Variants in NRXN1 observed in about 807,000 individuals in gnomAD.
NRXN1 encodes the protein neurexin-1.
NRXN1 carries 39 observed loss-of-function variants against 150.9 expected under a neutral mutation model. That is an observed-to-expected ratio of 0.26 (90% confidence interval 0.20 to 0.34). The LOEUF is 0.34. Among genes scored for constraint, NRXN1 ranks in the 10% least tolerant of loss-of-function variants. NRXN1 has a pLI of 1.00. For missense variants in NRXN1, 1,815 were observed against 1,949.9 expected (o/e 0.93, Z 1.30); for synonymous variants, 924 against 757.0 (o/e 1.22, Z -3.62).
At chr2:50,807,058 A>G (rs1485763461) in intron 5 of NRXN1, among the ~76,000 whole-genome samples, 2 of 152,202 alleles carry the variant, frequency 1.3e-5, no homozygotes, top group Non-Finnish European at 2.9e-5. Flanking sequence ...TGAAATATAT[A>G]TAAACTACAG....
rs761721372 is a variant in NRXN1, at chr2:50,346,866, C to CCCTGCG, written c.3365-109902_3365-109897dup. The CCCTGCG allele has an allele frequency of 5.7e-6, 8 of 1,391,678 alleles. No individual in the cohort carries two copies. Among genetic ancestry groups the CCCTGCG allele is most frequent in the African/African-American group, 4.4e-5 (3 of 67,446 alleles). The allele number at this position is 1,391,678 out of a possible 1,614,324, so 86.2% of individuals were successfully genotyped here. A position where few individuals can be genotyped will look rare whatever the true frequency, so the allele number is the denominator to read the frequency against. On this transcript the variant is annotated intron_variant, in intron 17 of 22. Coordinates refer to ENST00000401669, the MANE Select transcript of NRXN1 (RefSeq NM_001330078.2). The surrounding 1 kb of genome is among the most constrained non-coding windows in gnomAD (Gnocchi z 5.0). The stretch of plus-strand genomic sequence containing the variant: ...CTATCCAAAGCAGGGCCAGGCGCCC[C>CCCTGCG]CCTGCGCCGCCGCCGCCGCCGCCGC...
chr2:50,706,912 T>C lies in NRXN1; in HGVS notation c.833-83297A>G, dbSNP rs192954161. On this transcript the variant is annotated intron_variant, in intron 5 of 22. Coordinates refer to ENST00000401669, the MANE Select transcript of NRXN1 (RefSeq NM_001330078.2). ...ATTGTTTAACATAAAGCCTTCTAGT[T>C]TTCCTTGTTTCATAAAATTTGAACA... 2.0e-5 allele frequency among the ~76,000 whole-genome samples: 3 copies of C among 152,234 alleles called. No homozygotes were observed. In the East Asian group the frequency reaches 5.8e-4, roughly 29 times the overall value.
chr2:50,199,849 C>T (rs565886840), intron 18 of NRXN1, among the ~76,000 whole-genome samples: 27 of 152,204 alleles, frequency 1.8e-4, no homozygotes, highest in Admixed American at 1.2e-3. Flanking sequence ...ACAATTTATT[C>T]TTTTTGGACA....
chr2:50,260,780 G>T (rs2068188057), intron 17 of NRXN1, among the ~76,000 whole-genome samples: 1 of 151,430 alleles, frequency 6.6e-6, no homozygotes, highest in African/African-American at 2.4e-5. Flanking sequence ...AACCATAGCA[G>T]CTTAAGCCAT....
chr2:50,830,328 GC>G (rs1161292667), intron 5 of NRXN1, among the ~76,000 whole-genome samples: 2 of 151,944 alleles, frequency 1.3e-5, no homozygotes, highest in African/African-American at 4.8e-5. Context: ...AATGAGCCAA[GC>G]CCCATGTTCA....
chr2:50,410,135 C>G (rs1284877137), intron 17 of NRXN1, among the ~76,000 whole-genome samples: 4 of 152,024 alleles, frequency 2.6e-5, no homozygotes. Context: ...TGTAGAAACT[C>G]GACAATCCTA....
At chr2:50,227,396 C>T (rs918593455) in intron 18 of NRXN1, among the ~76,000 whole-genome samples, 118 of 151,940 alleles carry the variant, frequency 7.8e-4, no homozygotes, top group African/African-American at 2.7e-3. Context: ...CATCTCTGAC[C>T]AGCCTTGCTA....
At position 51,009,777 on chromosome 2, in the gene NRXN1, C is replaced by T. The variant is rs78215917; in HGVS notation, c.772+17725G>A. 3.9e-3 allele frequency among the ~76,000 whole-genome samples: 587 copies of T among 151,990 alleles called. 1 individual carries two copies. Among genetic ancestry groups the T allele is most frequent in the Non-Finnish European group, 6.7e-3 (453 of 67,900 alleles). On this transcript the variant is annotated intron_variant, in intron 2 of 22. Transcript: ENST00000401669. ...CTTCTATGGTGACAGAGATGGATAA[C>T]AACCGGAAAAAGTGTAAATAAAACA...
At chr2:50,368,170 T>C (rs1257526192) in intron 17 of NRXN1, among the ~76,000 whole-genome samples, 1 of 151,952 alleles carries the variant, frequency 6.6e-6, no homozygotes, top group Non-Finnish European at 1.5e-5. Flanking sequence ...GCAAATGAAA[T>C]CAAAATTTAC....
At chr2:50,434,721 A>C (rs2085282809) in intron 17 of NRXN1, among the ~76,000 whole-genome samples, 1 of 152,230 alleles carries the variant, frequency 6.6e-6, no homozygotes. Flanking sequence ...CATGGAATGG[A>C]ATTAATGTTA....
intron 22 of NRXN1, among the ~76,000 whole-genome samples, chr2:49,932,072 AATG>A (rs1670223637): frequency 6.9e-6 from 1 of 144,636 alleles, no homozygotes; most frequent in African/African-American, 2.9e-5. Context: ...CATGTGTGTG[AATG>A]TGTGTGCATG....
chr2:50,064,090 C>A (rs968639553), intron 19 of NRXN1, among the ~76,000 whole-genome samples: 1 of 151,982 alleles, frequency 6.6e-6, no homozygotes, highest in Non-Finnish European at 1.5e-5. Context: ...TTTGCTTGGA[C>A]GTCAGATTTC....
At chr2:49,958,803 CTT>C (rs941142041) in intron 21 of NRXN1, among the ~76,000 whole-genome samples, 4 of 152,164 alleles carry the variant, frequency 2.6e-5, no homozygotes, top group African/African-American at 9.7e-5. Context: ...CTCAATCTAG[CTT>C]TTGTCTTTTG....
chr2:49,978,714 C>CAAA lies in NRXN1; in HGVS notation c.4129-34926_4129-34924dup, dbSNP rs60622757. Among the ~76,000 whole-genome samples, 136 of 123,090 alleles carry CAAA rather than the reference C, an allele frequency of 1.1e-3. 2 individuals are homozygous for CAAA. Among genetic ancestry groups the CAAA allele is most frequent in the African/African-American group, 3.8e-3 (120 of 31,904 alleles). 80.8% of individuals were successfully genotyped at this position (123,090 alleles called of 152,430 possible). A position where few individuals can be genotyped will look rare whatever the true frequency, so the allele number is the denominator to read the frequency against. On this transcript the variant is annotated intron_variant, in intron 21 of 22. Coordinates refer to ENST00000401669, the MANE Select transcript of NRXN1 (RefSeq NM_001330078.2). ...AGCCATAAAAAGAAAAGAGAGGCCA[C>CAAA]AAAAAAAAAAAAAAAAAGATGACCA...
intron 8 of NRXN1, among the ~76,000 whole-genome samples, chr2:50,595,279 A>G (rs1479314762): frequency 6.6e-6 from 1 of 152,102 alleles, no homozygotes; most frequent in Middle Eastern, 3.2e-3. Flanking sequence ...TGGAAGAAAG[A>G]AAGAATTTGT....
intron 18 of NRXN1, among the ~76,000 whole-genome samples, chr2:50,186,491 CA>C (rs143710033): frequency 6.2e-4 from 94 of 152,090 alleles, no homozygotes; most frequent in Non-Finnish European, 1.2e-3. Flanking sequence ...GGTTCAGTCC[CA>C]AGGAAAAGAG....
chr2:50,879,964 T>C (rs1041656126), intron 5 of NRXN1, among the ~76,000 whole-genome samples: 1 of 151,856 alleles, frequency 6.6e-6, no homozygotes, highest in East Asian at 1.9e-4. Flanking sequence ...GAAATAAGTA[T>C]ACATTTTTCA....
intron 17 of NRXN1, among the ~76,000 whole-genome samples, chr2:50,394,996 C>T (rs1384569500): frequency 6.6e-6 from 1 of 152,000 alleles, no homozygotes; most frequent in Non-Finnish European, 1.5e-5. Flanking sequence ...GGTCCCCTTT[C>T]AAAGAAGCCT....
chr2:50,056,098 T>G (rs1169611003), intron 19 of NRXN1, among the ~76,000 whole-genome samples: 1 of 152,114 alleles, frequency 6.6e-6, no homozygotes, highest in African/African-American at 2.4e-5. Flanking sequence ...TTAACTAACA[T>G]GGAAATTTAA....
Sources: allele counts gnomAD v4.1 joint callset (sites outside exome capture counted in the v4.1 genomes callset), GRCh38; gene constraint gnomAD v4.1.1; non-coding constraint Gnocchi (gnomAD v3.1); transcripts MANE v1.5; gene names NCBI Gene and HGNC (gene_info 2026-07-23, HGNC 2026-07-21).